Variants in SLC25A21 observed in about 807,000 individuals in gnomAD.
SLC25A21 encodes solute carrier family 25 member 21.
In SLC25A21, 47 loss-of-function variants were observed where a neutral mutation model predicts 43.8. That is an observed-to-expected ratio of 1.07 (90% CI 0.85 to 1.37). SLC25A21 has a LOEUF of 1.37. Among genes scored for constraint, SLC25A21 ranks in the 40% most tolerant of loss-of-function variants. SLC25A21 has a pLI of 0.00. For missense variants in SLC25A21, 352 were observed against 350.2 expected, an observed-to-expected ratio of 1.00 and a Z score of -0.04; for synonymous variants, 131 against 121.3, an observed-to-expected ratio of 1.08 and a Z score of -0.52.
At chr14:37,150,318 T>C (rs1434268045) in intron 1 of SLC25A21, among the ~76,000 whole-genome samples, 2 of 152,302 alleles carry the variant, frequency 1.3e-5, no homozygotes, top group East Asian at 3.9e-4. Context: ...AGCTTATCAA[T>C]GATTTCTATT....
At chr14:36,834,658 G>A (rs1329163077) in intron 2 of SLC25A21, among the ~76,000 whole-genome samples, 1 of 152,098 alleles carries the variant, frequency 6.6e-6, no homozygotes, top group Non-Finnish European at 1.5e-5. Context: ...ATAAAGCCCT[G>A]TCTTGTGAAA....
At chr14:36,881,054 A>G (rs907199770) in intron 1 of SLC25A21, among the ~76,000 whole-genome samples, 2 of 152,174 alleles carry the variant, frequency 1.3e-5, no homozygotes, top group African/African-American at 4.8e-5. Context: ...GCATAAAAAT[A>G]TGGTTCAGGC....
rs754603178 is a variant in SLC25A21, at chr14:36,890,889, G to C, written c.71-15885C>G. Among the ~76,000 whole-genome samples the C allele has an allele frequency of 1.5e-4, 23 of 152,096 alleles. 1 individual carries two copies. The highest frequency in any genetic ancestry group is 3.2e-4 in the Non-Finnish European group (22 of 68,024). ...CTTTAAGTAGTCAATATACCTAATA[G>C]TCAATGCATGTCGTAAAGAAATGCA... On this transcript the variant is annotated intron_variant, in intron 1 of 9. Transcript: ENST00000331299.
chr14:36,823,699 G>A (rs712348), intron 2 of SLC25A21, among the ~76,000 whole-genome samples: 145,993 of 152,222 alleles, frequency 0.96, 70,308 homozygotes, highest in East Asian at 1. Flanking sequence ...GACAAGTATC[G>A]TAGTTTTCCT....
intron 3 of SLC25A21, among the ~76,000 whole-genome samples, chr14:36,740,087 C>T (rs1315884879): frequency 6.6e-6 from 1 of 152,160 alleles, no homozygotes; most frequent in African/African-American, 2.4e-5. Context: ...CATCATTGCT[C>T]CCAAGCTAAG....
intron 2 of SLC25A21, among the ~76,000 whole-genome samples, chr14:36,835,843 G>A (rs1204132630): frequency 1.3e-5 from 2 of 152,142 alleles, no homozygotes; most frequent in East Asian, 1.9e-4. Context: ...TCTCCTACAT[G>A]ACCAAAAGTA....
intron 2 of SLC25A21, among the ~76,000 whole-genome samples, chr14:36,873,141 T>C (rs2138552717): frequency 6.6e-6 from 1 of 152,310 alleles, no homozygotes; most frequent in Admixed American, 6.5e-5. Flanking sequence ...AACAATAATC[T>C]GGCTTCTCAA....
intron 3 of SLC25A21, among the ~76,000 whole-genome samples, chr14:36,807,907 C>T (rs1355192022): frequency 6.6e-6 from 1 of 152,156 alleles, no homozygotes; most frequent in Admixed American, 6.5e-5. Context: ...CATTATCTCA[C>T]ACATCTGGAG....
chr14:37,094,736 C>CA (rs58182192), intron 1 of SLC25A21, among the ~76,000 whole-genome samples: 24 of 143,016 alleles, frequency 1.7e-4, no homozygotes, highest in African/African-American at 3.4e-4. Flanking sequence ...TGGTGATAGC[C>CA]AAAAAAAAAA....
chr14:37,037,417 C>A (rs1347906817), intron 1 of SLC25A21, among the ~76,000 whole-genome samples: 1 of 152,130 alleles, frequency 6.6e-6, no homozygotes, highest in Non-Finnish European at 1.5e-5. Context: ...CAACTTGATT[C>A]TGAGTTTCAC....
intron 3 of SLC25A21, among the ~76,000 whole-genome samples, chr14:36,764,174 AAGAAAGAAAGAAAGAAAGAG>A (rs1566588241): frequency 6.6e-5 from 5 of 75,886 alleles, no homozygotes; most frequent in East Asian, 1.2e-3. Flanking sequence ...GAAAGAAAGA[AAGAAAGAAAGAAAGAAAGAG>A]AAAGAAAGAA....
At chr14:36,699,352 G>A (rs115014240) in intron 7 of SLC25A21, among the ~76,000 whole-genome samples, 1 of 152,126 alleles carries the variant, frequency 6.6e-6, no homozygotes, top group Non-Finnish European at 1.5e-5. Context: ...CCTATATGAG[G>A]GGTCTGTGGG....
At chr14:36,978,760 A>G (rs989636889) in intron 1 of SLC25A21, among the ~76,000 whole-genome samples, 23 of 152,210 alleles carry the variant, frequency 1.5e-4, no homozygotes, top group Non-Finnish European at 2.6e-4. Flanking sequence ...ACTCTCAAGT[A>G]GATTAGAAGT....
intron 1 of SLC25A21, among the ~76,000 whole-genome samples, chr14:37,031,089 C>T (rs1043731545): frequency 5.3e-5 from 8 of 152,156 alleles, no homozygotes; most frequent in Non-Finnish European, 8.8e-5. Context: ...GAGCAATTTC[C>T]AACAACCTAC....
Position 36,680,408 on chromosome 14 carries a change from A to C in SLC25A21, c.*250T>G. 9.0e-7 allele frequency: 1 copy of C among 1,110,958 alleles called. No homozygotes were observed. The highest frequency in any genetic ancestry group is 1.1e-6 in the Non-Finnish European group (1 of 903,498). The allele number at this position is 1,110,958 out of a possible 1,614,324, so 68.8% of individuals were successfully genotyped here. The stretch of plus-strand genomic sequence containing the variant: ...GAAATAAATATATGATTTCTATGCT[A>C]TTTTTCTATATTCACTTTAAATACC... On this transcript the variant is annotated 3_prime_UTR_variant, in exon 10 of 10. Transcript: ENST00000331299.
At chr14:37,096,536 G>C (rs1387547976) in intron 1 of SLC25A21, among the ~76,000 whole-genome samples, 1 of 152,058 alleles carries the variant, frequency 6.6e-6, no homozygotes, top group Non-Finnish European at 1.5e-5. Context: ...TCTAGATCTT[G>C]TAAACACTTT....
intron 3 of SLC25A21, among the ~76,000 whole-genome samples, chr14:36,796,411 C>T (rs982458291): frequency 6.6e-6 from 1 of 150,404 alleles, no homozygotes; most frequent in Non-Finnish European, 1.5e-5. Context: ...CTTTCTTTCT[C>T]TCTCTTTCTT....
At chr14:36,704,179 C>G (rs534764624) in intron 7 of SLC25A21, among the ~76,000 whole-genome samples, 1 of 152,240 alleles carries the variant, frequency 6.6e-6, no homozygotes, top group East Asian at 1.9e-4. Flanking sequence ...CTTCCAGGGC[C>G]GTGTCTCATA....
chr14:37,066,886 T>G (rs2138819682), intron 1 of SLC25A21, among the ~76,000 whole-genome samples: 1 of 152,238 alleles, frequency 6.6e-6, no homozygotes, highest in African/African-American at 2.4e-5. Flanking sequence ...TCTAGAAGTT[T>G]TAAATGTTTA....
Sources: gnomAD v4.1 joint callset for allele counts (sites outside exome capture counted in the v4.1 genomes callset) on GRCh38, gnomAD v4.1.1 for gene constraint, MANE v1.5 for transcripts, NCBI Gene and HGNC (gene_info 2026-07-23, HGNC 2026-07-21) for gene names.